The following EYS variants were observed in gnomAD, a reference collection of about 807,000 sequenced individuals.
The protein encoded by EYS is protein eyes shut homolog.
A neutral mutation model predicts 282.1 loss-of-function variants in EYS; 250 were observed. That is an observed-to-expected ratio of 0.89 (90% CI 0.80 to 0.98). The LOEUF (loss-of-function observed/expected upper bound fraction) is 0.98, where lower values mean the gene tolerates loss of function less well. Among genes scored for constraint, EYS ranks in the 50% least tolerant of loss-of-function variants. EYS has a pLI of 0.00. For missense variants in EYS, 4,016 were observed against 3,709.0 expected, an observed-to-expected ratio of 1.08 and a Z score of -2.15; for synonymous variants, 1,355 against 1,282.9, an observed-to-expected ratio of 1.06 and a Z score of -1.20.
At chr6:65,470,013 T>G (rs1765151443) in intron 5 of EYS, among the ~76,000 whole-genome samples, 1 of 152,156 alleles carries the variant, frequency 6.6e-6, no homozygotes, top group African/African-American at 2.4e-5. Flanking sequence ...AGATACAAAA[T>G]AATACTTTCT....
intron 22 of EYS, among the ~76,000 whole-genome samples, chr6:64,683,386 A>G (rs1230270206): frequency 6.6e-6 from 1 of 152,218 alleles, no homozygotes. Flanking sequence ...GATGGGGAAC[A>G]TCCATGGATA....
At chr6:65,374,069 G>A (rs1269807324) in intron 8 of EYS, among the ~76,000 whole-genome samples, 2 of 152,150 alleles carry the variant, frequency 1.3e-5, no homozygotes, top group African/African-American at 4.8e-5. Flanking sequence ...TTTTTTGACA[G>A]TTTGGATTAC....
At chr6:64,409,942 T>C (rs1186250160) in intron 28 of EYS, among the ~76,000 whole-genome samples, 1 of 152,130 alleles carries the variant, frequency 6.6e-6, no homozygotes, top group African/African-American at 2.4e-5. Context: ...AGGGGTAAGT[T>C]TATATTTTAT....
At chr6:65,445,620 T>C (rs558599786) in intron 5 of EYS, among the ~76,000 whole-genome samples, 1 of 151,790 alleles carries the variant, frequency 6.6e-6, no homozygotes, top group Non-Finnish European at 1.5e-5. Flanking sequence ...TTCAAACAGA[T>C]AGCAAAATCA....
chr6:65,405,363 TG>T lies in EYS; in HGVS notation c.866del (p.Pro289HisfsTer50). ...ICECDEQFSG[P>X]FCEVSAKPCV... ...AAGGTTTTGCTGACACCTCACAGAA[TG>T]GACCTTAAAAAAATCACACACAAGA... is the stretch of plus-strand genomic sequence containing the variant. On this transcript the variant is annotated frameshift_variant, in exon 6 of 43. Coordinates refer to ENST00000503581, the MANE Select transcript of EYS (RefSeq NM_001142800.2). LOFTEE classifies it high-confidence loss of function. The T allele has an allele frequency of 6.3e-7, 1 of 1,594,890 alleles. No homozygotes were observed. Among genetic ancestry groups the T allele is most frequent in the Non-Finnish European group, 8.5e-7 (1 of 1,172,480 alleles).
chr6:65,088,247 G>A (rs1027520829), intron 12 of EYS, among the ~76,000 whole-genome samples: 2 of 152,146 alleles, frequency 1.3e-5, no homozygotes, highest in Admixed American at 1.3e-4. Flanking sequence ...CAGAAATGTG[G>A]AAGCAACTTT....
At chr6:64,001,754 A>T (rs752359869) in intron 33 of EYS, among the ~76,000 whole-genome samples, 2 of 152,232 alleles carry the variant, frequency 1.3e-5, no homozygotes, top group Non-Finnish European at 2.9e-5. Flanking sequence ...AGAAAAAGGG[A>T]TACATGTAAT....
At position 65,374,517 on chromosome 6, in the gene EYS, G is replaced by A. The variant is rs928713986; in HGVS notation, c.1299+9869C>T. On this transcript the variant is annotated intron_variant, in intron 8 of 42. Coordinates refer to ENST00000503581, the MANE Select transcript of EYS (RefSeq NM_001142800.2). ...TACCTGCGGAGTTTTTTTTTTTTTC[G>A]TACCCCACTGATACCTGGAACTCCA... Among the ~76,000 whole-genome samples, 10 of 84,440 alleles carry A rather than the reference G, an allele frequency of 1.2e-4. No individual in the cohort carries two copies. The East Asian group carries it at 1.7e-3, about 14-fold the overall frequency. The allele number at this position is 84,440 out of a possible 152,430, so 55.4% of individuals were successfully genotyped here. A position where few individuals can be genotyped will look rare whatever the true frequency, so the allele number is the denominator to read the frequency against.
At chr6:65,237,676 G>C (rs536973791) in intron 12 of EYS, among the ~76,000 whole-genome samples, 1 of 152,194 alleles carries the variant, frequency 6.6e-6, no homozygotes, top group South Asian at 2.1e-4. Flanking sequence ...TTACGATTCT[G>C]ATAAATAATG....
intron 12 of EYS, among the ~76,000 whole-genome samples, chr6:65,199,689 A>G (rs1195943930): frequency 6.6e-6 from 1 of 152,168 alleles, no homozygotes; most frequent in Non-Finnish European, 1.5e-5. Context: ...GAATCATCTG[A>G]GTTCCATCTT....
chr6:65,534,317 T>A (rs1313114769), intron 2 of EYS, among the ~76,000 whole-genome samples: 1 of 152,146 alleles, frequency 6.6e-6, no homozygotes, highest in African/African-American at 2.4e-5. Flanking sequence ...GTCAAGAATA[T>A]TTTGTAATAC....
chr6:65,275,914 T>G (rs1768032909), intron 12 of EYS, among the ~76,000 whole-genome samples: 1 of 152,130 alleles, frequency 6.6e-6, no homozygotes, highest in African/African-American at 2.4e-5. Context: ...CTGTCAAAAC[T>G]ACTATCCATG....
intron 31 of EYS, among the ~76,000 whole-genome samples, chr6:64,098,382 G>A (rs1435379758): frequency 6.6e-6 from 1 of 152,026 alleles, no homozygotes; most frequent in Non-Finnish European, 1.5e-5. Flanking sequence ...AATTTCTAGA[G>A]CATATTGAGC....
intron 2 of EYS, among the ~76,000 whole-genome samples, chr6:65,502,170 A>G (rs1163866968): frequency 1.3e-5 from 2 of 151,762 alleles, no homozygotes; most frequent in African/African-American, 4.8e-5. Context: ...CTTATAGACA[A>G]AAATGTTTTG....
chr6:65,007,200 A>G, intron 13 of EYS, among the ~76,000 whole-genome samples: 1 of 152,172 alleles, frequency 6.6e-6, no homozygotes, highest in Non-Finnish European at 1.5e-5. Context: ...CTAGAAAGGA[A>G]TAAGCATTAG....
At chr6:64,530,188 T>C (rs1764281857) in intron 26 of EYS, among the ~76,000 whole-genome samples, 1 of 152,100 alleles carries the variant, frequency 6.6e-6, no homozygotes, top group Non-Finnish European at 1.5e-5. Context: ...ATAAGTAAAA[T>C]AAGTAAACAA....
At chr6:65,158,766 A>G (rs1177944403) in intron 12 of EYS, among the ~76,000 whole-genome samples, 1 of 150,990 alleles carries the variant, frequency 6.6e-6, no homozygotes, top group Non-Finnish European at 1.5e-5. Flanking sequence ...AAACTGTATT[A>G]TGGTAAGTCC....
chr6:64,017,367 GT>G (rs1222290390), intron 33 of EYS, among the ~76,000 whole-genome samples: 2 of 152,026 alleles, frequency 1.3e-5, no homozygotes, highest in African/African-American at 4.8e-5. Flanking sequence ...AGATCTGTGG[GT>G]ACTGAAGATG....
At position 64,626,206 on chromosome 6, in the gene EYS, A is replaced by G. The variant is rs2149856848; in HGVS notation, c.3483T>C (p.Asn1161=). 3.3e-6 allele frequency: 5 copies of G among 1,534,846 alleles called. No individual in the cohort carries two copies. Among genetic ancestry groups the G allele is most frequent in the South Asian group, 2.5e-5 (2 of 79,100 alleles). ...ATGGTGATGAAGAGCATTCATTTATATTAATTTCACAAAATTGACCAGAAA... is the reference window on the plus strand; with the variant it reads ...ATGGTGATGAAGAGCATTCATTTATGTTAATTTCACAAAATTGACCAGAAA... The part of the protein sequence containing the change: ...PGFSGQFCEI[N]INECSSSPCL... The change falls in exon 23 of 43, where the codon AAT becomes AAC. Residue 1161 remains asparagine (N), a synonymous_variant. Transcript: ENST00000503581.
Sources: gnomAD v4.1 joint callset for allele counts (sites outside exome capture counted in the v4.1 genomes callset) on GRCh38, gnomAD v4.1.1 for gene constraint, MANE v1.5 for transcripts, NCBI Gene and HGNC (gene_info 2026-07-23, HGNC 2026-07-21) for gene names.